Variants in CALCOCO2 observed in about 807,000 individuals in gnomAD.
CALCOCO2 encodes calcium-binding and coiled-coil domain-containing protein 2.
Under a neutral mutation model 62.5 loss-of-function variants are expected in CALCOCO2, and 42 were observed. The observed-to-expected ratio is 0.67, with a 90% CI of 0.53 to 0.87. The LOEUF is 0.87. Ranked by LOEUF, CALCOCO2 falls within the 40% of genes least tolerant of loss-of-function variation. The pLI is 0.00. For synonymous variants in CALCOCO2, 167 were observed against 173.0 expected (o/e 0.97, Z 0.27); for missense variants, 456 against 515.0 (o/e 0.89, Z 1.11).
At chr17:48,847,588 TA>T (rs1449214917) in intron 2 of CALCOCO2, 2 of 152,530 alleles carry the variant, frequency 1.3e-5, no homozygotes, top group African/African-American at 2.4e-5. Context: ...AAAAATAAAA[TA>T]AAAAATTAAA....
chr17:48,857,993 A>AG (rs2040248837), intron 10 of CALCOCO2, among the ~76,000 whole-genome samples: 2 of 40,884 alleles, frequency 4.9e-5, no homozygotes, highest in Non-Finnish European at 8.2e-5. Flanking sequence ...AGAATAGAAT[A>AG]GAATAGAATA....
intron 1 of CALCOCO2, among the ~76,000 whole-genome samples, chr17:48,838,924 C>A (rs2143580106): frequency 6.6e-6 from 1 of 152,132 alleles, no homozygotes; most frequent in African/African-American, 2.4e-5. Flanking sequence ...GTTAGACCAG[C>A]TAGTCATTTA....
intron 1 of CALCOCO2, among the ~76,000 whole-genome samples, chr17:48,835,640 A>G (rs1275804888): frequency 2.6e-5 from 4 of 152,222 alleles, no homozygotes; most frequent in African/African-American, 9.6e-5. Flanking sequence ...CAAGCCTCAG[A>G]ACATGAGCTC....
chr17:48,835,414 C>T (rs749870889), intron 1 of CALCOCO2, among the ~76,000 whole-genome samples: 4 of 152,134 alleles, frequency 2.6e-5, no homozygotes, highest in Non-Finnish European at 5.9e-5. Flanking sequence ...AGAATTTTAA[C>T]CTTATTTCAA....
At chr17:48,857,021 C>G (rs2040226237) in intron 10 of CALCOCO2, among the ~76,000 whole-genome samples, 1 of 151,716 alleles carries the variant, frequency 6.6e-6, no homozygotes, top group Non-Finnish European at 1.5e-5. Context: ...AAGCTGCTCT[C>G]AAACTCCTGG....
chr17:48,833,242 T>A (rs1598019846), intron 1 of CALCOCO2, among the ~76,000 whole-genome samples: 1 of 152,184 alleles, frequency 6.6e-6, no homozygotes, highest in Admixed American at 6.6e-5. Flanking sequence ...TTTTTGCTAA[T>A]TGCTAATCGT....
intron 1 of CALCOCO2, among the ~76,000 whole-genome samples, chr17:48,838,100 G>A (rs2039919787): frequency 2.6e-5 from 4 of 152,202 alleles, no homozygotes; most frequent in African/African-American, 9.6e-5. Context: ...TGAGCTCCCC[G>A]AGTGAGCAAT....
intron 1 of CALCOCO2, among the ~76,000 whole-genome samples, chr17:48,838,450 A>G (rs1229765585): frequency 6.6e-6 from 1 of 151,690 alleles, no homozygotes; most frequent in Non-Finnish European, 1.5e-5. Context: ...CTCCTCCCTT[A>G]ATGTCTGTAA....
intron 1 of CALCOCO2, among the ~76,000 whole-genome samples, chr17:48,836,744 T>C: frequency 6.7e-6 from 1 of 149,352 alleles, no homozygotes; most frequent in East Asian, 2.0e-4. Context: ...TGAGGGGCAG[T>C]CCCGGAAGTC....
chr17:48,848,816 T>C (rs1170152958), intron 4 of CALCOCO2: 1 of 491,252 alleles, frequency 2.0e-6, no homozygotes, highest in Admixed American at 2.3e-5. Flanking sequence ...GCCTACAGCC[T>C]GTCTGTCATA....
chr17:48,855,997 TC>T, intron 9 of CALCOCO2, 94 bp from the exon 10 acceptor site: 1 of 536,118 alleles, frequency 1.9e-6, no homozygotes, highest in East Asian at 3.0e-5. Context: ...CATCTCAGTC[TC>T]CCCGCTTTGC....
rs141660026 is a variant in CALCOCO2, at chr17:48,834,484, CT to C, written c.-11+3407del. The stretch of plus-strand genomic sequence containing the variant: ...TTTTGAAAATCCCTATTTGTTTTCT[CT>C]GTTCATTCCTTATGTGGCCAATCTT... On this transcript the variant is annotated intron_variant, in intron 1 of 12. Transcript: ENST00000258947. Among the ~76,000 whole-genome samples, 887 of 152,218 alleles carry C rather than the reference CT, an allele frequency of 5.8e-3. 7 individuals are homozygous for C. The highest frequency in any genetic ancestry group is 0.021 in the African/African-American group (853 of 41,534).
At chr17:48,854,893 C>T (rs893008191) in intron 9 of CALCOCO2, among the ~76,000 whole-genome samples, 3 of 152,048 alleles carry the variant, frequency 2.0e-5, no homozygotes, top group Non-Finnish European at 4.4e-5. Flanking sequence ...AGAGGTGGAA[C>T]GCCTTAAGGC....
chr17:48,855,508 G>T (rs2040202420), intron 9 of CALCOCO2, among the ~76,000 whole-genome samples: 1 of 152,186 alleles, frequency 6.6e-6, no homozygotes, highest in African/African-American at 2.4e-5. Context: ...GCAGGTAGAA[G>T]ATGGGAAGCT....
chr17:48,852,638 T>C lies in CALCOCO2; in HGVS notation c.825+10T>C. On this transcript the variant is annotated intron_variant, in intron 8 of 12. Transcript: ENST00000258947. Reference sequence around the variant, plus strand: ...CAGTTTAACTGAACAGGTAGAGTCATGAGAGAAAACAACACTTTTAGGCAT... The same window carrying C: ...CAGTTTAACTGAACAGGTAGAGTCACGAGAGAAAACAACACTTTTAGGCAT... The C allele has an allele frequency of 6.2e-7, 1 of 1,608,576 alleles. No individual in the cohort carries two copies. Among genetic ancestry groups the C allele is most frequent in the South Asian group, 1.1e-5 (1 of 90,292 alleles).
At chr17:48,851,536 CAT>C (rs768887618) in intron 6 of CALCOCO2, 21 bp from the exon 7 acceptor site, 2 of 1,433,006 alleles carry the variant, frequency 1.4e-6, no homozygotes, top group Non-Finnish European at 2.0e-6. Context: ...GAATTTTTCA[CAT>C]AGTTATCTCC....
chr17:48,839,670 C>CTT (rs766846336), intron 1 of CALCOCO2, among the ~76,000 whole-genome samples: 685 of 66,160 alleles, frequency 0.01, 80 homozygotes, highest in African/African-American at 0.034. Context: ...CTTTGCTTTG[C>CTT]TTTTTTTTTT....
intron 10 of CALCOCO2, among the ~76,000 whole-genome samples, chr17:48,857,651 A>G (rs900456382): frequency 2.7e-5 from 4 of 148,786 alleles, no homozygotes; most frequent in Non-Finnish European, 4.4e-5. Flanking sequence ...CATTTTTACT[A>G]TTTTTTTCTT....
intron 12 of CALCOCO2, 99 bp downstream of exon 12, chr17:48,862,403 G>C: frequency 1.2e-6 from 1 of 855,052 alleles, no homozygotes. Context: ...GGTTCATTTT[G>C]ATAACTCCAG....
Sources: gnomAD v4.1 joint callset for allele counts (sites outside exome capture counted in the v4.1 genomes callset) on GRCh38, gnomAD v4.1.1 for gene constraint, MANE v1.5 for transcripts, NCBI Gene and HGNC (gene_info 2026-07-23, HGNC 2026-07-21) for gene names.